The following MYH7B variants were observed in gnomAD, a reference collection of about 807,000 sequenced individuals.
MYH7B encodes the protein myosin-7B.
In MYH7B, 205 loss-of-function variants were observed where a neutral mutation model predicts 234.5. The ratio of observed to expected loss-of-function variants is 0.87; its 90% CI spans 0.78 to 0.98. MYH7B has a LOEUF of 0.98. Among genes scored for constraint, MYH7B ranks in the 50% least tolerant of loss-of-function variants. MYH7B has a pLI of 0.00. For missense variants in MYH7B, 2,652 were observed against 2,633.4 expected (o/e 1.01, Z -0.15); for synonymous variants, 1,193 against 1,105.0 (o/e 1.08, Z -1.58).
At chr20:34,996,559 C>A (rs369549619) in intron 29 of MYH7B, 37 bp downstream of exon 29, 1 of 1,601,354 alleles carries the variant, frequency 6.2e-7, no homozygotes, top group Non-Finnish European at 8.5e-7. Context: ...GTGGCGGGGC[C>A]GGGGTGCCGG....
At chr20:34,997,168 C>T in exon 31 of MYH7B, 1 of 1,550,032 alleles carries the variant, frequency 6.5e-7, no homozygotes. Context: ...GATCAAGGAG[C>T]TGCAGGTGCG....
chr20:34,996,776 G>C lies in MYH7B; in HGVS notation c.3266+18G>C. The C allele has an allele frequency of 6.2e-7, 1 of 1,601,244 alleles. No individual in the cohort carries two copies. Among genetic ancestry groups the C allele is most frequent in the Non-Finnish European group, 8.5e-7 (1 of 1,174,950 alleles). On this transcript the variant is annotated intron_variant, in intron 30 of 44. Transcript: ENST00000262873. Reference sequence around the variant, plus strand: ...CTCAAGAAGTAGGTGTGGTGGGGCAGCAGGTGGGGGCCTTCTGAGCCTGCA... The same window carrying C: ...CTCAAGAAGTAGGTGTGGTGGGGCACCAGGTGGGGGCCTTCTGAGCCTGCA...
exon 39 of MYH7B, chr20:35,000,656 G>A (rs2082354303): frequency 1.3e-6 from 2 of 1,584,234 alleles, no homozygotes; most frequent in Non-Finnish European, 1.7e-6. Flanking sequence ...AGCTTTTGGA[G>A]GCCACCGAGC....
chr20:34,986,918 TACC>T, exon 15 of MYH7B: 2 of 1,614,078 alleles, frequency 1.2e-6, no homozygotes, highest in Non-Finnish European at 8.5e-7. Flanking sequence ...CCCCTATGAC[TACC>T]ACTTCTGCAG....
intron 26 of MYH7B, 78 bp downstream of exon 26, chr20:34,993,548 TAACA>T: frequency 7.1e-7 from 1 of 1,413,560 alleles, no homozygotes; most frequent in South Asian, 1.4e-5. Context: ...CTCCCAACCC[TAACA>T]TGCTGCCCTG....
intron 44 of MYH7B, 29 bp from the exon 45 acceptor site, chr20:35,002,148 T>C (rs372082768): frequency 1.3e-6 from 2 of 1,596,700 alleles, no homozygotes; most frequent in African/African-American, 2.7e-5. Context: ...CAGGTAGTAC[T>C]GCTCACTCAG....
exon 26 of MYH7B, chr20:34,993,431 G>A (rs370697289): frequency 2.5e-5 from 40 of 1,610,282 alleles, no homozygotes; most frequent in Non-Finnish European, 2.9e-5. Flanking sequence ...AGCCGTGGCC[G>A]CCTCATGCGC....
rs114226567 is a variant in MYH7B, at chr20:34,971,129, T to A, written c.-221-4271T>A. ...GGGGAGGCCTCAAGGTCTTCCGAAG[T>A]GAGAGGTTGTGCTGTCAGGCCTGGT... On this transcript the variant is annotated intron_variant, in intron 2 of 44. Transcript: ENST00000262873. 7.2e-3 allele frequency among the ~76,000 whole-genome samples: 1,100 copies of A among 152,290 alleles called. 9 individuals carry two copies. The highest frequency in any genetic ancestry group is 0.024 in the African/African-American group (1,017 of 41,554).
chr20:34,972,346 G>C (rs1278786118), intron 2 of MYH7B, among the ~76,000 whole-genome samples: 1 of 151,728 alleles, frequency 6.6e-6, no homozygotes, highest in Non-Finnish European at 1.5e-5. Context: ...CTTCTGCTTG[G>C]AATACTGTTC....
At chr20:34,990,070 C>A in exon 21 of MYH7B, 1 of 1,614,114 alleles carries the variant, frequency 6.2e-7, no homozygotes, top group Non-Finnish European at 8.5e-7. Context: ...TGAATGAGAC[C>A]GTGGTCCCCA....
At chr20:34,989,100 G>A (rs1323119730) in intron 19 of MYH7B, among the ~76,000 whole-genome samples, 1 of 152,206 alleles carries the variant, frequency 6.6e-6, no homozygotes, top group East Asian at 1.9e-4. Context: ...GTGGGCCACT[G>A]CGCCTGGCCT....
Position 34,984,844 on chromosome 20 carries a change from A to G in MYH7B, c.649-10A>G, listed in dbSNP as rs201028083. On this transcript the variant is annotated splice_polypyrimidine_tract_variant and intron_variant, in intron 11 of 44. Coordinates refer to ENST00000262873, the Ensembl canonical transcript of MYH7B. Reference sequence around the variant, plus strand: ...AGAACTGACAGACCCCCTCACCCCCACCGCCCCAGGGCACCCTTGAGGATC... The same window carrying G: ...AGAACTGACAGACCCCCTCACCCCCGCCGCCCCAGGGCACCCTTGAGGATC... 6 of 1,612,492 alleles carry G rather than the reference A, an allele frequency of 3.7e-6. No homozygotes were observed. The highest frequency in any genetic ancestry group is 5.1e-6 in the Non-Finnish European group (6 of 1,178,680).
At chr20:34,983,245 T>TTTTC (rs147855925) in intron 10 of MYH7B, among the ~76,000 whole-genome samples, 12 of 150,272 alleles carry the variant, frequency 8.0e-5, no homozygotes, top group South Asian at 2.1e-4. Flanking sequence ...TTTTCCCCTG[T>TTTTC]TTTCTTTCTT....
At chr20:34,994,866 G>A (rs1293117235) in intron 27 of MYH7B, among the ~76,000 whole-genome samples, 1 of 152,256 alleles carries the variant, frequency 6.6e-6, no homozygotes, top group East Asian at 1.9e-4. Flanking sequence ...GAGGAACGTT[G>A]GTGGGAAGAC....
chr20:34,970,890 A>G (rs1275684279), intron 2 of MYH7B, among the ~76,000 whole-genome samples: 2 of 152,164 alleles, frequency 1.3e-5, no homozygotes, highest in African/African-American at 2.4e-5. Context: ...AATATCGACA[A>G]TACTCAGACT....
chr20:34,973,907 C>T (rs929030628), intron 2 of MYH7B, among the ~76,000 whole-genome samples: 19 of 149,420 alleles, frequency 1.3e-4, no homozygotes, highest in Admixed American at 2.7e-4. Flanking sequence ...TACAGGCACA[C>T]GCCACCATGC....
rs1379760000 is a variant in MYH7B at position 34,999,632 on chromosome 20, GA to G, written c.4606del (p.Thr1536ProfsTer58). On this transcript the variant is annotated frameshift_variant, in exon 37 of 45. Transcript: ENST00000262873. LOFTEE classifies it high-confidence loss of function. ...GTGGGAAGAGCATCCAGGAACTGGA[GA>G]AAACCAAGAAGGCGCTGGAAGGCGA... 1.9e-6 allele frequency: 3 copies of G among 1,613,864 alleles called. No individual in the cohort carries two copies. The African/African-American group carries it at 4.0e-5, about 22-fold the overall frequency.
intron 16 of MYH7B, 54 bp from the exon 17 acceptor site, chr20:34,987,503 C>T: frequency 4.7e-6 from 7 of 1,498,038 alleles, no homozygotes; most frequent in African/African-American, 1.4e-5. Flanking sequence ...GCAGTAGAGC[C>T]CCTGAGTGCG....
At chr20:34,991,255 T>A in intron 24 of MYH7B, 134 bp downstream of exon 24, 1 of 650,346 alleles carries the variant, frequency 1.5e-6, no homozygotes, top group Non-Finnish European at 2.6e-6. Flanking sequence ...CCTGGCCAGG[T>A]ATCCCAGCAA....
Sources: gnomAD v4.1 joint callset for allele counts (sites outside exome capture counted in the v4.1 genomes callset) on GRCh38, gnomAD v4.1.1 for gene constraint, MANE v1.5 for transcripts, NCBI Gene and HGNC (gene_info 2026-07-23, HGNC 2026-07-21) for gene names.